The following USP24 variants were observed in gnomAD, a reference collection of about 807,000 sequenced individuals.
USP24 encodes the protein ubiquitin carboxyl-terminal hydrolase 24.
A neutral mutation model predicts 361.6 loss-of-function variants in USP24; 97 were observed. The observed-to-expected ratio is 0.27, with a 90% CI of 0.23 to 0.32. USP24 has a LOEUF of 0.32. Ranked by LOEUF, USP24 falls within the 10% of genes least tolerant of loss-of-function variation. USP24 has a pLI of 1.00. For missense variants in USP24, 2,353 were observed against 3,165.6 expected (o/e 0.74, Z 6.16); for synonymous variants, 1,098 against 1,124.6 (o/e 0.98, Z 0.47).
At position 55,112,496 on chromosome 1, in the gene USP24, A is replaced by G. The variant is rs111488799; in HGVS notation, c.4509-2250T>C. ...GTGTCTTTGTTCTCATTGGTTTCAA[A>G]TAACTTATTTATTTCTGCCTTAATT... On this transcript the variant is annotated intron_variant, in intron 38 of 67. Transcript: ENST00000294383. Among the ~76,000 whole-genome samples, 1,219 of 152,250 alleles carry G rather than the reference A, an allele frequency of 8.0e-3. 12 individuals are homozygous for G. Among genetic ancestry groups the G allele is most frequent in the Non-Finnish European group, 0.013 (868 of 68,012 alleles).
chr1:55,177,278 T>C (rs1366070847), intron 2 of USP24, among the ~76,000 whole-genome samples: 1 of 152,186 alleles, frequency 6.6e-6, no homozygotes, highest in Non-Finnish European at 1.5e-5. Context: ...AAGTTCCCTG[T>C]AAAATCATCT....
Position 55,078,609 on chromosome 1 carries a change from G to C in USP24, c.7243C>G (p.Leu2415Val). The C allele has an allele frequency of 2.5e-6, 4 of 1,611,646 alleles. No homozygotes were observed. Among genetic ancestry groups the C allele is most frequent in the Non-Finnish European group, 2.5e-6 (3 of 1,179,330 alleles). ...CAGCAGTACACTACCATCTCAATGAGTGCCAAGAGCGAGCCTGTCAGCTCC... is the reference window on the plus strand; with the variant it reads ...CAGCAGTACACTACCATCTCAATGACTGCCAAGAGCGAGCCTGTCAGCTCC... ...LRELTGSLLALIEMVVYCCFC... is the reference protein window; with the variant it reads ...LRELTGSLLAVIEMVVYCCFC... Residue 2415 changes from leucine to valine, a missense_variant, in exon 61 of 68, where the codon CTC becomes GTC. Physicochemically the swap from Leu to Val is conservative, Grantham distance 32. Transcript: ENST00000294383.
At chr1:55,103,407 T>C (rs545930220) in intron 42 of USP24, among the ~76,000 whole-genome samples, 156 of 152,340 alleles carry the variant, frequency 1.0e-3, no homozygotes, top group African/African-American at 3.6e-3. Context: ...TCTTTCACTA[T>C]ACACTGACCT....
chr1:55,171,428 C>A (rs915336767), intron 5 of USP24, 128 bp downstream of exon 5: 21 of 1,187,336 alleles, frequency 1.8e-5, no homozygotes, highest in Non-Finnish European at 2.4e-5. Flanking sequence ...ATTTTATGAG[C>A]CAGATGGGAT....
rs1317055689 is a variant in USP24 at position 55,172,382 on chromosome 1, T to C, written c.697A>G (p.Thr233Ala). 13 of 1,611,328 alleles carry C rather than the reference T, an allele frequency of 8.1e-6. No individual in the cohort carries two copies. Among genetic ancestry groups the C allele is most frequent in the Non-Finnish European group, 1.1e-5 (13 of 1,178,774 alleles). The change falls in exon 4 of 68, where the codon ACA becomes GCA. Residue 233 changes from threonine to alanine, a missense_variant. By Grantham distance (58) the Thr-to-Ala change is moderately conservative (BLOSUM62 0). This residue lies in a region of USP24 where 386 missense variants were observed against 560.5 expected (regional missense o/e 0.69). Coordinates refer to ENST00000294383, the MANE Select transcript of USP24 (RefSeq NM_015306.3). ...TAATTTTAGAGATACTATACCATTG[T>C]AAGCACACCCAGGAGACCAGTGGGA... The part of the protein sequence containing the change: ...PIPTGLLGVL[T>A]MAFNPDNEYH...
At position 55,142,806 on chromosome 1, in the gene USP24, A is replaced by G. The variant is rs1050109160; in HGVS notation, c.2581-11T>C. ...TAAAGATACTGAATCCTGAAAGAGT[A>G]TATGGAAATTACAATTAGTCCTTGA... On this transcript the variant is annotated splice_polypyrimidine_tract_variant and intron_variant, in intron 22 of 67. Coordinates refer to ENST00000294383, the MANE Select transcript of USP24 (RefSeq NM_015306.3). 9.2e-6 allele frequency: 14 copies of G among 1,527,768 alleles called. No individual in the cohort carries two copies. The East Asian group carries it at 1.2e-4, about 13-fold the overall frequency. 94.6% of individuals were successfully genotyped at this position (1,527,768 alleles called of 1,614,324 possible). A position where few individuals can be genotyped will look rare whatever the true frequency, so the allele number is the denominator to read the frequency against.
chr1:55,124,683 A>G (rs1570469506), intron 34 of USP24, 55 bp from the exon 35 acceptor site: 13 of 1,582,528 alleles, frequency 8.2e-6, no homozygotes, highest in South Asian at 2.3e-5. Flanking sequence ...ACATGCCCTG[A>G]CATGTACAAC....
intron 67 of USP24, 30 bp from the exon 68 acceptor site, chr1:55,069,137 A>T: frequency 6.2e-7 from 1 of 1,613,044 alleles, no homozygotes. Flanking sequence ...GTTAAAGTTC[A>T]TACGGTTAGA....
intron 32 of USP24, among the ~76,000 whole-genome samples, chr1:55,128,506 C>T (rs1461579075): frequency 1.3e-5 from 2 of 152,140 alleles, no homozygotes; most frequent in Admixed American, 6.5e-5. Flanking sequence ...ACTCACCCTT[C>T]CTTCCATTCC....
chr1:55,186,582 A>C (rs533810570), intron 1 of USP24, among the ~76,000 whole-genome samples: 6 of 152,362 alleles, frequency 3.9e-5, no homozygotes, highest in Admixed American at 3.9e-4. Flanking sequence ...GATTATCCAA[A>C]CTTTAAGAAA....
At chr1:55,094,729 T>TG (rs1442023855) in intron 51 of USP24, among the ~76,000 whole-genome samples, 1 of 134,514 alleles carries the variant, frequency 7.4e-6, no homozygotes, top group African/African-American at 2.9e-5. Context: ...CCAGGTATGG[T>TG]GACTTATGCC....
At chr1:55,078,083 T>A (rs1308535654) in intron 61 of USP24, among the ~76,000 whole-genome samples, 2 of 152,212 alleles carry the variant, frequency 1.3e-5, no homozygotes, top group Non-Finnish European at 2.9e-5. Context: ...ACTACATGTA[T>A]CACCACTATA....
intron 51 of USP24, among the ~76,000 whole-genome samples, chr1:55,094,311 T>C (rs1397524810): frequency 1.3e-5 from 2 of 152,324 alleles, no homozygotes; most frequent in African/African-American, 2.4e-5. Context: ...ATTGACATTA[T>C]AGAAGATAAA....
intron 30 of USP24, 27 bp from the exon 31 acceptor site, chr1:55,132,727 TA>T (rs1027030085): frequency 6.3e-7 from 1 of 1,592,284 alleles, no homozygotes; most frequent in African/African-American, 1.3e-5. Flanking sequence ...GAGAAAGACA[TA>T]AACTACTTAA....
chr1:55,122,727 A>G (rs1210440083), intron 36 of USP24, among the ~76,000 whole-genome samples: 1 of 152,186 alleles, frequency 6.6e-6, no homozygotes, highest in Non-Finnish European at 1.5e-5. Flanking sequence ...ATCAAAGATG[A>G]AGCCAAGGTT....
chr1:55,108,464 T>A (rs730717), intron 39 of USP24, among the ~76,000 whole-genome samples: 4,427 of 152,266 alleles, frequency 0.029, 155 homozygotes, highest in African/African-American at 0.082. Flanking sequence ...AAACCCTATG[T>A]CTACCACTTA....
intron 16 of USP24, 87 bp downstream of exon 16, chr1:55,153,780 ATAC>A (rs141688366): frequency 0.043 from 55,512 of 1,295,710 alleles, 1,891 homozygotes; most frequent in African/African-American, 0.18. Context: ...ACACTAAAAC[ATAC>A]TATTATTTTA....
intron 62 of USP24, among the ~76,000 whole-genome samples, chr1:55,076,766 CT>C (rs1645038481): frequency 6.6e-6 from 1 of 152,096 alleles, no homozygotes; most frequent in African/African-American, 2.4e-5. Context: ...GGAAAGAATC[CT>C]ACAATTGATT....
intron 36 of USP24, among the ~76,000 whole-genome samples, chr1:55,122,003 T>G (rs1282163618): frequency 6.6e-6 from 1 of 152,250 alleles, no homozygotes; most frequent in Admixed American, 6.5e-5. Context: ...ATTTATTTAT[T>G]GAGAATCTAC....
Sources: gnomAD v4.1 joint callset for allele counts (sites outside exome capture counted in the v4.1 genomes callset) on GRCh38, gnomAD v4.1.1 for gene constraint, gnomAD v4.1.1 regional missense constraint, MANE v1.5 for transcripts, NCBI Gene and HGNC (gene_info 2026-07-23, HGNC 2026-07-21) for gene names.